Variants in ARHGEF9 observed in about 807,000 individuals in gnomAD.
ARHGEF9 encodes the protein Cdc42 guanine nucleotide exchange factor 9.
Under a neutral mutation model 41.3 loss-of-function variants are expected in ARHGEF9, and 2 were observed. That is an observed-to-expected ratio of 0.05 (90% confidence interval 0.02 to 0.15). ARHGEF9 has a LOEUF of 0.15. Ranked by LOEUF, ARHGEF9 falls within the 10% of genes least tolerant of loss-of-function variation. The pLI is 1.00. For missense variants in ARHGEF9, 225 were observed against 424.7 expected, an observed-to-expected ratio of 0.53 and a Z score of 4.13; for synonymous variants, 160 against 154.4, an observed-to-expected ratio of 1.04 and a Z score of -0.27.
intron 5 of ARHGEF9, among the ~76,000 whole-genome samples, chrX:63,674,476 A>G (rs1236259644): frequency 8.9e-6 from 1 of 112,234 alleles, no homozygotes; most frequent in Admixed American, 9.4e-5. Flanking sequence ...AATAAACCTG[A>G]GAGGAGCGGC....
At chrX:63,702,418 A>T (rs1273537376) in intron 3 of ARHGEF9, among the ~76,000 whole-genome samples, 4 of 112,266 alleles carry the variant, frequency 3.6e-5, no homozygotes, top group Non-Finnish European at 7.5e-5. Context: ...AGAAGAATGT[A>T]ATCTGCAGAG....
chrX:63,767,375 G>T, intron 1 of ARHGEF9: 1 of 511,335 alleles, frequency 2.0e-6, no homozygotes, highest in South Asian at 2.3e-5. Flanking sequence ...ACTTGAAGAA[G>T]TTACTGGGAG....
At chrX:63,746,441 T>C (rs2055280309) in intron 1 of ARHGEF9, among the ~76,000 whole-genome samples, 1 of 111,566 alleles carries the variant, frequency 9.0e-6, no homozygotes, top group Non-Finnish European at 1.9e-5. Flanking sequence ...CATGACTGCA[T>C]CCTGACCACA....
At chrX:63,660,026 C>A (rs782340440) in intron 7 of ARHGEF9, among the ~76,000 whole-genome samples, 59 of 111,891 alleles carry the variant, frequency 5.3e-4, no homozygotes, top group African/African-American at 1.8e-3. Context: ...TTTGACCCAG[C>A]AATCCCATTA....
chrX:63,778,243 G>A lies in ARHGEF9; in HGVS notation c.30+6873C>T, dbSNP rs377054442. 6.2e-5 allele frequency among the ~76,000 whole-genome samples: 7 copies of A among 112,422 alleles called. No homozygotes were observed. The East Asian group carries it at 2.0e-3, about 31-fold the overall frequency. On this transcript the variant is annotated intron_variant, in intron 1 of 9. Transcript: ENST00000671741. ...CCCAACATCATGTATAACCTGCCAC[G>A]GCTTGGGGCTTGTACCCTCTGAAGC...
At chrX:63,727,620 C>A (rs1306464002) in intron 1 of ARHGEF9, 1 of 111,670 alleles carries the variant, frequency 9.0e-6, no homozygotes, top group African/African-American at 3.3e-5. Flanking sequence ...TAACATAACA[C>A]CACAGAGAGG....
intron 1 of ARHGEF9, among the ~76,000 whole-genome samples, chrX:63,752,688 G>A (rs1602708258): frequency 9.0e-6 from 1 of 111,486 alleles, no homozygotes; most frequent in Non-Finnish European, 1.9e-5. Flanking sequence ...CCAAGTCAAG[G>A]ATAGCATGCT....
chrX:63,764,942 C>G (rs1310802320), intron 1 of ARHGEF9, among the ~76,000 whole-genome samples: 2 of 111,293 alleles, frequency 1.8e-5, no homozygotes, highest in African/African-American at 3.3e-5. Flanking sequence ...GCTGCACATC[C>G]TGCACGTGTA....
At chrX:63,783,486 C>T (rs1556463553) in intron 1 of ARHGEF9, among the ~76,000 whole-genome samples, 1 of 111,287 alleles carries the variant, frequency 9.0e-6, no homozygotes, top group Admixed American at 9.5e-5. Context: ...GAGCTCCCGA[C>T]CTCAGATGAT....
chrX:63,706,653 C>T (rs2052566957), intron 2 of ARHGEF9, among the ~76,000 whole-genome samples: 1 of 111,512 alleles, frequency 9.0e-6, no homozygotes, highest in East Asian at 2.8e-4. Context: ...CTCTGGTGAC[C>T]TATCTGTAAA....
At chrX:63,753,524 G>GT (rs1199608718) in intron 1 of ARHGEF9, among the ~76,000 whole-genome samples, 25 of 105,159 alleles carry the variant, frequency 2.4e-4, no homozygotes, top group Admixed American at 1.8e-3. Context: ...ATAAAGAGCT[G>GT]TTTTTTCTTT....
At chrX:63,682,485 A>G (rs1178223009) in intron 4 of ARHGEF9, among the ~76,000 whole-genome samples, 1 of 109,592 alleles carries the variant, frequency 9.1e-6, no homozygotes. Context: ...ACTGCACTCC[A>G]GCCTGGGTGA....
chrX:63,754,884 C>T, intron 1 of ARHGEF9: 5 of 939,472 alleles, frequency 5.3e-6, no homozygotes, highest in Non-Finnish European at 6.6e-6. Context: ...ACGGGAAAGG[C>T]AAAATCCTAG....
intron 1 of ARHGEF9, chrX:63,755,742 C>A: frequency 1.9e-6 from 1 of 519,319 alleles, no homozygotes; most frequent in Non-Finnish European, 2.4e-6. Flanking sequence ...AAAAAGCCAA[C>A]AAACCAGTGT....
intron 3 of ARHGEF9, among the ~76,000 whole-genome samples, chrX:63,702,899 G>A (rs781862660): frequency 4.5e-5 from 5 of 112,309 alleles, no homozygotes; most frequent in Non-Finnish European, 9.4e-5. Context: ...GCAATTTAGA[G>A]ATGGGGTACA....
At chrX:63,714,719 T>C (rs2053179775) in intron 2 of ARHGEF9, among the ~76,000 whole-genome samples, 1 of 112,160 alleles carries the variant, frequency 8.9e-6, no homozygotes, top group Admixed American at 9.4e-5. Flanking sequence ...ACTGTGCATG[T>C]AAAACAGTTT....
intron 4 of ARHGEF9, among the ~76,000 whole-genome samples, chrX:63,685,379 C>T (rs149828769): frequency 0.01 from 1,120 of 111,280 alleles, 9 homozygotes; most frequent in African/African-American, 0.034. Flanking sequence ...ATCAATGTTC[C>T]CAAAACTGAT....
At chrX:63,727,608 T>C in intron 1 of ARHGEF9, 1 of 112,116 alleles carries the variant, frequency 8.9e-6, no homozygotes, top group East Asian at 2.8e-4. Context: ...TAGTGTTTTT[T>C]CTAACATAAC....
chrX:63,643,650 T>C (rs782620693), intron 9 of ARHGEF9, among the ~76,000 whole-genome samples: 3 of 110,821 alleles, frequency 2.7e-5, no homozygotes, highest in South Asian at 7.6e-4. Context: ...CAAACTATAC[T>C]TATTAAATAA....
Sources: gnomAD v4.1 joint callset for allele counts (sites outside exome capture counted in the v4.1 genomes callset) on GRCh38, gnomAD v4.1.1 for gene constraint, MANE v1.5 for transcripts, NCBI Gene and HGNC (gene_info 2026-07-23, HGNC 2026-07-21) for gene names.